MKLN1: variants seen among roughly 807,000 people sequenced by gnomAD.
MKLN1 encodes the protein muskelin.
In MKLN1, 18 loss-of-function variants were observed where a neutral mutation model predicts 99.0. That is an observed-to-expected ratio of 0.18 (90% confidence interval 0.13 to 0.27). The LOEUF is 0.27. Ranked by LOEUF, MKLN1 falls within the 10% of genes least tolerant of loss-of-function variation. MKLN1 has a pLI of 1.00. For missense variants in MKLN1, 621 were observed against 875.9 expected, an observed-to-expected ratio of 0.71 and a Z score of 3.67; for synonymous variants, 288 against 293.2, an observed-to-expected ratio of 0.98 and a Z score of 0.18.
intron 3 of MKLN1, among the ~76,000 whole-genome samples, chr7:131,230,295 G>T (rs893987500): frequency 2.6e-5 from 4 of 152,182 alleles, no homozygotes; most frequent in Non-Finnish European, 4.4e-5. Flanking sequence ...TCTCATCATG[G>T]CTGGGAATTC....
At chr7:131,388,300 G>A (rs945309864) in intron 3 of MKLN1, among the ~76,000 whole-genome samples, 2 of 152,202 alleles carry the variant, frequency 1.3e-5, no homozygotes, top group Admixed American at 1.3e-4. Flanking sequence ...AGCAACCTGA[G>A]GGTGAGTGAC....
intron 3 of MKLN1, chr7:131,310,878 GAGAA>G (rs1798552407): frequency 6.6e-6 from 1 of 152,086 alleles, no homozygotes; most frequent in African/African-American, 2.4e-5. Context: ...ATCAGGTAGA[GAGAA>G]AGGCAGATGT....
intron 1 of MKLN1, among the ~76,000 whole-genome samples, chr7:131,356,191 C>G (rs1466280205): frequency 1.3e-5 from 2 of 151,742 alleles, no homozygotes; most frequent in Admixed American, 6.6e-5. Context: ...TATACGCTGG[C>G]ATACTTTGGG....
At chr7:131,405,960 T>C (rs1794693435) in intron 6 of MKLN1, among the ~76,000 whole-genome samples, 1 of 152,110 alleles carries the variant, frequency 6.6e-6, no homozygotes, top group Admixed American at 6.5e-5. Flanking sequence ...TGCACAAATC[T>C]TTATCAATAA....
intron 3 of MKLN1, among the ~76,000 whole-genome samples, chr7:131,297,425 G>GTGTA (rs1798308904): frequency 1.3e-5 from 2 of 151,158 alleles, no homozygotes; most frequent in African/African-American, 4.9e-5. Flanking sequence ...GTGTGTGTGT[G>GTGTA]TGTACATACA....
chr7:131,477,135 A>G (rs1796989071), intron 16 of MKLN1, among the ~76,000 whole-genome samples: 1 of 152,226 alleles, frequency 6.6e-6, no homozygotes, highest in Admixed American at 6.5e-5. Context: ...TATCTTCACA[A>G]CATTGGGATA....
At chr7:131,398,009 G>A (rs1407098475) in intron 5 of MKLN1, among the ~76,000 whole-genome samples, 1 of 152,142 alleles carries the variant, frequency 6.6e-6, no homozygotes, top group Non-Finnish European at 1.5e-5. Flanking sequence ...ATTATAACGT[G>A]TAAGGATTAG....
At chr7:131,127,025 T>G (rs183848001) in intron 1 of MKLN1, among the ~76,000 whole-genome samples, 3 of 151,932 alleles carry the variant, frequency 2.0e-5, no homozygotes, top group African/African-American at 7.2e-5. Flanking sequence ...ATTAGCCATG[T>G]GTGGTGGTGC....
At chr7:131,154,047 G>A (rs73149819) in intron 2 of MKLN1, among the ~76,000 whole-genome samples, 6,525 of 152,124 alleles carry the variant, frequency 0.043, 197 homozygotes, top group South Asian at 0.065. Context: ...GTGAGTCTAC[G>A]ATGCTACCAT....
In MKLN1 at chr7:131,399,350, C is replaced by A; in HGVS notation, c.620C>A (p.Pro207His). The A allele has an allele frequency of 1.2e-6, 2 of 1,613,858 alleles. No individual in the cohort carries two copies. Among genetic ancestry groups the A allele is most frequent in the Non-Finnish European group, 1.7e-6 (2 of 1,179,880 alleles). ...QKKTKIALEH[P>H]MLTDIHDKLV... is the part of the protein sequence containing the mutation. ...AAAACCAAGATTGCACTGGAACATCCCATGTTAACAGATATTCATGACAAG... is the reference window on the plus strand; with the variant it reads ...AAAACCAAGATTGCACTGGAACATCACATGTTAACAGATATTCATGACAAG... The change falls in exon 6 of 18, where the codon CCC (proline) becomes CAC (histidine). Residue 207 changes from proline (P) to histidine (H), a missense_variant. Coordinates refer to ENST00000352689, the MANE Select transcript of MKLN1 (RefSeq NM_013255.5).
intron 3 of MKLN1, among the ~76,000 whole-genome samples, chr7:131,301,250 A>G (rs1049533372): frequency 6.6e-6 from 1 of 152,204 alleles, no homozygotes; most frequent in Non-Finnish European, 1.5e-5. Context: ...GAATCCCATT[A>G]TAACACTGAT....
chr7:131,322,289 T>G (rs1231083750), intron 3 of MKLN1, among the ~76,000 whole-genome samples: 1 of 152,220 alleles, frequency 6.6e-6, no homozygotes, highest in Non-Finnish European at 1.5e-5. Context: ...TCCCTGAATG[T>G]TAGCATTTTA....
intron 14 of MKLN1, among the ~76,000 whole-genome samples, chr7:131,465,089 T>A (rs1224827998): frequency 6.6e-6 from 1 of 152,122 alleles, no homozygotes; most frequent in Non-Finnish European, 1.5e-5. Flanking sequence ...GCCCTTTCTT[T>A]TATAACCTCT....
chr7:131,412,786 A>G (rs1794916082), intron 7 of MKLN1, among the ~76,000 whole-genome samples: 1 of 152,226 alleles, frequency 6.6e-6, no homozygotes, highest in South Asian at 2.1e-4. Context: ...TTCTATGGAT[A>G]CTGAGCTTTT....
chr7:131,388,912 A>G lies in MKLN1; in HGVS notation c.340A>G (p.Thr114Ala), dbSNP rs1794113010. 6.2e-7 allele frequency: 1 copy of G among 1,610,798 alleles called. No individual in the cohort carries two copies. The highest frequency in any genetic ancestry group is 8.5e-7 in the Non-Finnish European group (1 of 1,178,064). Residue 114 changes from threonine (T) to alanine (A), a missense_variant, in exon 4 of 18, where the codon ACA (threonine) becomes GCA (alanine). By Grantham distance (58) the Thr-to-Ala change is moderately conservative. Coordinates refer to ENST00000352689, the MANE Select transcript of MKLN1 (RefSeq NM_013255.5). ...CTTAAAGAATGATTATAACAAAGAA[A>G]CATTCACCTTGAAGCATAAAATTGA... ...SGLKNDYNKE[T>A]FTLKHKIDEQ... is the part of the protein sequence containing the mutation.
At chr7:131,400,518 A>ATATATAT (rs1554567982) in intron 6 of MKLN1, among the ~76,000 whole-genome samples, 258 of 137,422 alleles carry the variant, frequency 1.9e-3, no homozygotes, top group African/African-American at 6.0e-3. Context: ...ATAAAAAAAA[A>ATATATAT]ATATATATAT....
At chr7:131,483,261 AC>A (rs1423715558) in intron 17 of MKLN1, among the ~76,000 whole-genome samples, 5 of 152,198 alleles carry the variant, frequency 3.3e-5, no homozygotes, top group African/African-American at 4.8e-5. Flanking sequence ...TTAGAAAAAA[AC>A]ATTGATTACA....
intron 3 of MKLN1, among the ~76,000 whole-genome samples, chr7:131,255,918 A>T (rs1233343574): frequency 7.9e-6 from 1 of 126,994 alleles, no homozygotes. Context: ...TTATTTATTT[A>T]TTTTGGAGAT....
Position 131,416,444 on chromosome 7 carries a change from G to A in MKLN1, c.847+1734G>A, listed in dbSNP as rs550019658. On this transcript the variant is annotated intron_variant, in intron 8 of 17. Transcript: ENST00000352689. ...CAGAACTTAGTGTGAGCAAGTCATT[G>A]AGAATTAAAATCTAACTTTTCAGGT... Among the ~76,000 whole-genome samples, 3 of 151,566 alleles carry A rather than the reference G, an allele frequency of 2.0e-5. No individual in the cohort carries two copies. In the South Asian group the frequency reaches 6.2e-4, roughly 32 times the overall value.
Sources: gnomAD v4.1 joint callset for allele counts (sites outside exome capture counted in the v4.1 genomes callset) on GRCh38, gnomAD v4.1.1 for gene constraint, MANE v1.5 for transcripts, NCBI Gene and HGNC (gene_info 2026-07-23, HGNC 2026-07-21) for gene names.